The following GPC5 variants were observed in gnomAD, a reference collection of about 807,000 sequenced individuals.
GPC5 encodes the protein glypican-5.
In GPC5, 47 loss-of-function variants were observed where a neutral mutation model predicts 53.9. The observed-to-expected ratio is 0.87, with a 90% CI of 0.69 to 1.11. The LOEUF is 1.11. Among genes scored for constraint, GPC5 ranks in the 50% most tolerant of loss-of-function variants. GPC5 has a pLI of 0.00. For missense variants in GPC5, 748 were observed against 713.1 expected (o/e 1.05, Z -0.56); for synonymous variants, 286 against 263.3 (o/e 1.09, Z -0.84).
chr13:92,372,517 C>T (rs2043659168), intron 7 of GPC5, among the ~76,000 whole-genome samples: 1 of 152,088 alleles, frequency 6.6e-6, no homozygotes, highest in Non-Finnish European at 1.5e-5. Context: ...AGTCAAACTA[C>T]TGCTTGTTGT....
intron 7 of GPC5, among the ~76,000 whole-genome samples, chr13:92,329,102 C>G (rs1056715688): frequency 1.3e-5 from 2 of 152,058 alleles, no homozygotes; most frequent in African/African-American, 4.8e-5. Flanking sequence ...CTAGAGGAGT[C>G]AAGCAGTTAT....
intron 6 of GPC5, among the ~76,000 whole-genome samples, chr13:92,077,374 T>C (rs1456826814): frequency 6.6e-6 from 1 of 152,108 alleles, no homozygotes; most frequent in East Asian, 1.9e-4. Context: ...ATGTAAAAAG[T>C]AGTGAGGTAA....
At chr13:92,504,806 CT>C (rs111748398) in intron 7 of GPC5, among the ~76,000 whole-genome samples, 16,140 of 151,850 alleles carry the variant, frequency 0.11, 1,041 homozygotes, top group Non-Finnish European at 0.15. Context: ...CTGAATTAAA[CT>C]TCACAATTTA....
chr13:91,797,094 A>T lies in GPC5; in HGVS notation c.1280+40674A>T, dbSNP rs181566748. ...CAGAGTCACATAAATTATCTCACTT[A>T]AAAAAAAATGTCATTTTGATAGTTG... On this transcript the variant is annotated intron_variant, in intron 5 of 7. Coordinates refer to ENST00000377067, the MANE Select transcript of GPC5 (RefSeq NM_004466.6). 7.4e-5 allele frequency among the ~76,000 whole-genome samples: 11 copies of T among 148,218 alleles called. No individual in the cohort carries two copies. In the East Asian group the frequency reaches 2.1e-3, roughly 29 times the overall value.
intron 7 of GPC5, among the ~76,000 whole-genome samples, chr13:92,195,251 A>C (rs1008639636): frequency 1.3e-5 from 2 of 152,304 alleles, no homozygotes; most frequent in Admixed American, 6.5e-5. Context: ...TAATTCAGTG[A>C]TACATATGTG....
chr13:91,756,965 T>C (rs1036383453), intron 5 of GPC5, among the ~76,000 whole-genome samples: 3 of 152,094 alleles, frequency 2.0e-5, no homozygotes, highest in African/African-American at 7.2e-5. Context: ...TATATATATA[T>C]ATCTGTTTGA....
At chr13:92,547,819 C>T (rs373743503) in intron 7 of GPC5, among the ~76,000 whole-genome samples, 68 of 100,354 alleles carry the variant, frequency 6.8e-4, no homozygotes, top group Admixed American at 1.3e-3. Context: ...GCCTATTATT[C>T]TTTTTTTTTT....
Position 91,851,607 on chromosome 13 carries a change from G to A in GPC5, c.1281-56330G>A, listed in dbSNP as rs535743792. 2.4e-4 allele frequency among the ~76,000 whole-genome samples: 36 copies of A among 148,056 alleles called. No individual in the cohort carries two copies. In the South Asian group the frequency reaches 2.6e-3, roughly 11 times the overall value. On this transcript the variant is annotated intron_variant, in intron 5 of 7. Coordinates refer to ENST00000377067, the MANE Select transcript of GPC5 (RefSeq NM_004466.6). ...GCTGGTGCGCTGCACCCACTAACTCGTCATCTAGCATTAGGTATATCTCCC... is the reference window on the plus strand; with the variant it reads ...GCTGGTGCGCTGCACCCACTAACTCATCATCTAGCATTAGGTATATCTCCC...
chr13:92,202,970 A>G (rs891953120), intron 7 of GPC5, among the ~76,000 whole-genome samples: 3 of 152,316 alleles, frequency 2.0e-5, no homozygotes, highest in Admixed American at 2.0e-4. Context: ...TATTAGAACT[A>G]GAAGAAAAGC....
At chr13:92,319,099 C>G (rs2043198726) in intron 7 of GPC5, among the ~76,000 whole-genome samples, 1 of 152,042 alleles carries the variant, frequency 6.6e-6, no homozygotes, top group South Asian at 2.1e-4. Flanking sequence ...AGGGTGGAAA[C>G]TGAAAGAGTG....
At chr13:91,703,238 C>T (rs1274674350) in intron 3 of GPC5, among the ~76,000 whole-genome samples, 2 of 152,014 alleles carry the variant, frequency 1.3e-5, no homozygotes, top group African/African-American at 2.4e-5. Context: ...AGAGTGGACA[C>T]TCTTGTCCTC....
intron 2 of GPC5, among the ~76,000 whole-genome samples, chr13:91,495,342 A>G (rs1420462730): frequency 2.6e-5 from 4 of 152,108 alleles, no homozygotes; most frequent in African/African-American, 9.7e-5. Flanking sequence ...TCTATTCTTG[A>G]TGCAGTAGGC....
intron 7 of GPC5, among the ~76,000 whole-genome samples, chr13:92,284,691 G>A (rs560046356): frequency 3.7e-4 from 56 of 152,180 alleles, no homozygotes; most frequent in Non-Finnish European, 7.1e-4. Flanking sequence ...AAATTCAACA[G>A]CCCTTCATGC....
At chr13:92,407,749 T>A (rs1310681814) in intron 7 of GPC5, among the ~76,000 whole-genome samples, 1 of 152,146 alleles carries the variant, frequency 6.6e-6, no homozygotes, top group African/African-American at 2.4e-5. Context: ...AAAATAGAAA[T>A]CTAATATAAA....
chr13:91,874,865 G>C (rs1444672198), intron 5 of GPC5, among the ~76,000 whole-genome samples: 1 of 152,038 alleles, frequency 6.6e-6, no homozygotes, highest in Non-Finnish European at 1.5e-5. Context: ...TATCCTAGCT[G>C]TCATTTTGTG....
At chr13:92,275,060 A>G (rs560822477) in intron 7 of GPC5, among the ~76,000 whole-genome samples, 1 of 151,862 alleles carries the variant, frequency 6.6e-6, no homozygotes, top group East Asian at 1.9e-4. Flanking sequence ...TAATAGATGA[A>G]TTTGCTTCAC....
chr13:91,460,200 C>T (rs1594117710), intron 2 of GPC5, among the ~76,000 whole-genome samples: 1 of 152,078 alleles, frequency 6.6e-6, no homozygotes, highest in East Asian at 1.9e-4. Flanking sequence ...TGGTAATTCT[C>T]ATAATAGGAA....
At chr13:92,404,817 A>T (rs1396429501) in intron 7 of GPC5, among the ~76,000 whole-genome samples, 1 of 149,804 alleles carries the variant, frequency 6.7e-6, no homozygotes, top group Non-Finnish European at 1.5e-5. Context: ...GGATAAATAT[A>T]TTACCCCTAA....
At chr13:91,435,308 A>G (rs1361787231) in intron 1 of GPC5, among the ~76,000 whole-genome samples, 1 of 152,098 alleles carries the variant, frequency 6.6e-6, no homozygotes, top group Non-Finnish European at 1.5e-5. Context: ...ATTCAGTATG[A>G]TATTGGCTGT....
Sources: allele counts gnomAD v4.1 joint callset (sites outside exome capture counted in the v4.1 genomes callset), GRCh38; gene constraint gnomAD v4.1.1; transcripts MANE v1.5; gene names NCBI Gene and HGNC (gene_info 2026-07-23, HGNC 2026-07-21).